TSHZ2: variants seen among roughly 807,000 people sequenced by gnomAD.
TSHZ2 encodes the protein teashirt homolog 2.
TSHZ2 carries 21 observed loss-of-function variants against 74.4 expected under a neutral mutation model. The ratio of observed to expected loss-of-function variants is 0.28; its 90% CI spans 0.20 to 0.41. The LOEUF is 0.41. Among genes scored for constraint, TSHZ2 ranks in the 10% least tolerant of loss-of-function variants. The pLI, the probability that TSHZ2 is intolerant of heterozygous loss-of-function variation, is 1.00. For synonymous variants in TSHZ2, 540 were observed against 515.3 expected, an observed-to-expected ratio of 1.05 and a Z score of -0.65; for missense variants, 1,244 against 1,293.5, an observed-to-expected ratio of 0.96 and a Z score of 0.59.
intron 2 of TSHZ2, among the ~76,000 whole-genome samples, chr20:53,462,990 T>C (rs1397732260): frequency 2.0e-5 from 3 of 152,170 alleles, no homozygotes; most frequent in South Asian, 2.1e-4. Flanking sequence ...TCTCTGTTCA[T>C]GTAAAGTGCC....
intron 2 of TSHZ2, among the ~76,000 whole-genome samples, chr20:53,264,345 T>C (rs1367404628): frequency 6.6e-6 from 1 of 152,160 alleles, no homozygotes; most frequent in Non-Finnish European, 1.5e-5. Flanking sequence ...GAGCTGAGAC[T>C]CCAGGCCACA....
intron 1 of TSHZ2, among the ~76,000 whole-genome samples, chr20:53,251,807 G>A (rs988220574): frequency 6.6e-6 from 1 of 152,158 alleles, no homozygotes; most frequent in African/African-American, 2.4e-5. Context: ...TATCTATTTA[G>A]TGACATTTCA....
intron 2 of TSHZ2, among the ~76,000 whole-genome samples, chr20:53,277,129 T>C (rs893036588): frequency 2.0e-5 from 3 of 152,228 alleles, no homozygotes; most frequent in African/African-American, 7.2e-5. Flanking sequence ...TTGCTTGTAC[T>C]GTATTAAGAG....
intron 1 of TSHZ2, among the ~76,000 whole-genome samples, chr20:53,004,058 T>C (rs1238722907): frequency 6.6e-6 from 1 of 152,102 alleles, no homozygotes; most frequent in Non-Finnish European, 1.5e-5. Context: ...CGAAACCCTA[T>C]AGAGGAGTTG....
At chr20:53,078,157 C>T (rs558864296) in intron 1 of TSHZ2, among the ~76,000 whole-genome samples, 1 of 152,194 alleles carries the variant, frequency 6.6e-6, no homozygotes, top group East Asian at 1.9e-4. Flanking sequence ...TGTGTGTTCA[C>T]GCTAAGAAAG....
chr20:53,216,715 C>T (rs965556025), intron 1 of TSHZ2, among the ~76,000 whole-genome samples: 8 of 152,164 alleles, frequency 5.3e-5, no homozygotes, highest in Admixed American at 3.9e-4. Context: ...GAGAACACAG[C>T]GCAGACATGT....
chr20:53,228,820 G>A (rs1484409106), intron 1 of TSHZ2, among the ~76,000 whole-genome samples: 3 of 152,164 alleles, frequency 2.0e-5, no homozygotes, highest in African/African-American at 7.2e-5. Context: ...TTTGTCACAT[G>A]TCCAGTTGGG....
intron 1 of TSHZ2, among the ~76,000 whole-genome samples, chr20:53,099,027 C>T (rs1193700087): frequency 6.6e-6 from 1 of 152,240 alleles, no homozygotes; most frequent in South Asian, 2.1e-4. Flanking sequence ...CTTGGACCAC[C>T]TTTGATGCCA....
intron 1 of TSHZ2, among the ~76,000 whole-genome samples, chr20:53,167,794 T>TGGGG (rs1988097117): frequency 1.3e-5 from 2 of 152,168 alleles, no homozygotes; most frequent in African/African-American, 4.8e-5. Context: ...TCCCACTGGG[T>TGGGG]GGGGTATTAC....
chr20:53,382,245 G>A (rs1981886009), intron 2 of TSHZ2, among the ~76,000 whole-genome samples: 1 of 152,038 alleles, frequency 6.6e-6, no homozygotes, highest in South Asian at 2.1e-4. Flanking sequence ...CCCAAATCCC[G>A]ACATTCCTTC....
At chr20:53,012,140 C>T (rs6022206) in intron 1 of TSHZ2, among the ~76,000 whole-genome samples, 7,356 of 152,202 alleles carry the variant, frequency 0.048, 415 homozygotes, top group African/African-American at 0.14. Context: ...TACAATATTT[C>T]GAGATAAACA....
chr20:53,123,537 C>G (rs2040777), intron 1 of TSHZ2, among the ~76,000 whole-genome samples: 1 of 152,098 alleles, frequency 6.6e-6, no homozygotes, highest in Non-Finnish European at 1.5e-5. Context: ...GCATTTTCTT[C>G]TTACATCAAT....
At chr20:53,176,368 T>C (rs899483981) in intron 1 of TSHZ2, among the ~76,000 whole-genome samples, 2 of 152,204 alleles carry the variant, frequency 1.3e-5, no homozygotes, top group African/African-American at 2.4e-5. Context: ...TAGAATCCTT[T>C]TGGGAGGAGG....
At chr20:53,059,112 G>A (rs973841482) in intron 1 of TSHZ2, among the ~76,000 whole-genome samples, 5 of 150,796 alleles carry the variant, frequency 3.3e-5, no homozygotes, top group South Asian at 2.1e-4. Context: ...GCCAAGCCAG[G>A]TAAAATGAGT....
intron 2 of TSHZ2, among the ~76,000 whole-genome samples, chr20:53,274,305 T>A (rs1363442615): frequency 1.3e-5 from 2 of 152,188 alleles, no homozygotes; most frequent in African/African-American, 4.8e-5. Context: ...ACTATTTTCA[T>A]GCTTCTCCAG....
intron 1 of TSHZ2, among the ~76,000 whole-genome samples, chr20:53,045,573 A>T (rs577224346): frequency 6.6e-6 from 1 of 152,150 alleles, no homozygotes; most frequent in Non-Finnish European, 1.5e-5. Flanking sequence ...TGATTCATTC[A>T]CCTAAGGAAT....
intron 2 of TSHZ2, among the ~76,000 whole-genome samples, chr20:53,392,997 T>C (rs113453130): frequency 6.6e-6 from 1 of 151,964 alleles, no homozygotes; most frequent in African/African-American, 2.4e-5. Context: ...CACGCCCAGA[T>C]AGTTTTTGTA....
At chr20:53,356,862 C>T (rs185054897) in intron 2 of TSHZ2, among the ~76,000 whole-genome samples, 34 of 151,630 alleles carry the variant, frequency 2.2e-4, no homozygotes, top group Admixed American at 2.2e-3. Flanking sequence ...TTCCAGAAAA[C>T]AGGAAAATAA....
At chr20:52,986,486 A>G (rs1189248594) in intron 1 of TSHZ2, among the ~76,000 whole-genome samples, 2 of 151,494 alleles carry the variant, frequency 1.3e-5, no homozygotes, top group Non-Finnish European at 2.9e-5. Context: ...TCCTAGCACT[A>G]TGGGAAGCCG....
Sources: allele counts gnomAD v4.1 joint callset (sites outside exome capture counted in the v4.1 genomes callset), GRCh38; gene constraint gnomAD v4.1.1; transcripts MANE v1.5; gene names NCBI Gene and HGNC (gene_info 2026-07-23, HGNC 2026-07-21).